JRK: variants seen among roughly 807,000 people sequenced by gnomAD.
JRK encodes the protein Jrk helix-turn-helix protein, also known as jerky protein homolog.
For missense variants in JRK, 720 were observed against 509.2 expected, an observed-to-expected ratio of 1.41 and a Z score of -3.98; for synonymous variants, 303 against 218.1, an observed-to-expected ratio of 1.39 and a Z score of -3.43.
Position 142,659,362 on chromosome 8 carries a change from T to C in JRK, c.*4990A>G. 2.0e-6 allele frequency: 2 copies of C among 991,192 alleles called. No individual in the cohort carries two copies. Among genetic ancestry groups the C allele is most frequent in the Non-Finnish European group, 2.4e-6 (2 of 833,412 alleles). 61.4% of individuals were successfully genotyped at this position (991,192 alleles called of 1,614,324 possible). ...TCCCTGCTCTGGACCTCAGTTCCTT[T>C]GGCTACTAAGGAGGCCCAACGATCC... is the stretch of plus-strand genomic sequence containing the variant. On this transcript the variant is annotated 3_prime_UTR_variant, in exon 2 of 2. Transcript: ENST00000612905.
At position 142,662,342 on chromosome 8, in the gene JRK, T is replaced by C; in HGVS notation, c.*2010A>G. The C allele has an allele frequency of 1.0e-6, 1 of 985,598 alleles. No individual in the cohort carries two copies. Among genetic ancestry groups the C allele is most frequent in the African/African-American group, 1.7e-5 (1 of 57,352 alleles). The allele number at this position is 985,598 out of a possible 1,614,324, so 61.1% of individuals were successfully genotyped here. On this transcript the variant is annotated 3_prime_UTR_variant, in exon 2 of 2. Transcript: ENST00000612905. The stretch of plus-strand genomic sequence containing the variant: ...CCAGCTCCACCCACCCAGGATGTCC[T>C]ACTGTTTCAGAGCCCTCGGGACATG...
chr8:142,666,440 G>C lies in JRK; in HGVS notation c.-382C>G. 1 of 366,086 alleles carries C rather than the reference G, an allele frequency of 2.7e-6. No homozygotes were observed. Among genetic ancestry groups the C allele is most frequent in the Non-Finnish European group, 5.5e-6 (1 of 182,816 alleles). 22.7% of individuals were successfully genotyped at this position (366,086 alleles called of 1,614,324 possible). A position where few individuals can be genotyped will look rare whatever the true frequency, so the allele number is the denominator to read the frequency against. ...CTCCCCTCAAACTGACCAGGTTTGGGGTGGTAGAGGTTTTACCGCATAAGC... is the reference window on the plus strand; with the variant it reads ...CTCCCCTCAAACTGACCAGGTTTGGCGTGGTAGAGGTTTTACCGCATAAGC... On this transcript the variant is annotated 5_prime_UTR_variant, in exon 2 of 2. Coordinates refer to ENST00000612905, the MANE Select transcript of JRK (RefSeq NM_003724.4).
chr8:142,660,889 C>G lies in JRK; in HGVS notation c.*3463G>C, dbSNP rs1312423613. On this transcript the variant is annotated 3_prime_UTR_variant, in exon 2 of 2. Transcript: ENST00000612905. ...ACAAGCACATCCAGCCACTGGGACC[C>G]TGAACCTCCTCCAAATGGACTTTAA... 1 of 985,534 alleles carries G rather than the reference C, an allele frequency of 1.0e-6. No homozygotes were observed. Among genetic ancestry groups the G allele is most frequent in the Non-Finnish European group, 1.2e-6 (1 of 830,112 alleles). The allele number at this position is 985,534 out of a possible 1,614,324, so 61.0% of individuals were successfully genotyped here. A position where few individuals can be genotyped will look rare whatever the true frequency, so the allele number is the denominator to read the frequency against.
At position 142,663,834 on chromosome 8, in the gene JRK, A is replaced by G. The variant is rs891213331; in HGVS notation, c.*518T>C. On this transcript the variant is annotated 3_prime_UTR_variant, in exon 2 of 2. Coordinates refer to ENST00000612905, the MANE Select transcript of JRK (RefSeq NM_003724.4). ...AGAACTGAGTCCCAGCTCTCGGGCC[A>G]TCGGACCTCAGGCAACCGTGCTCGG... 1.0e-6 allele frequency: 1 copy of G among 986,986 alleles called. No homozygotes were observed. Among genetic ancestry groups the G allele is most frequent in the Non-Finnish European group, 1.2e-6 (1 of 831,082 alleles). The allele number at this position is 986,986 out of a possible 1,614,324, so 61.1% of individuals were successfully genotyped here.
rs1305309181 is a variant in JRK at position 142,659,109 on chromosome 8, A to G, written c.*5243T>C. The G allele has an allele frequency of 8.0e-6, 11 of 1,369,958 alleles. No homozygotes were observed. The highest frequency in any genetic ancestry group is 8.5e-6 in the Non-Finnish European group (9 of 1,060,778). 84.9% of individuals were successfully genotyped at this position (1,369,958 alleles called of 1,614,324 possible). On this transcript the variant is annotated 3_prime_UTR_variant, in exon 2 of 2. Transcript: ENST00000612905. ...GCCCATCAAGGTACAATGAAATAGA[A>G]AAAAGGCTGGCCAGGTGCCAAGTCC...
intron 1 of JRK, among the ~76,000 whole-genome samples, chr8:142,669,614 G>A (rs1847259214): frequency 6.6e-6 from 1 of 152,148 alleles, no homozygotes; most frequent in African/African-American, 2.4e-5. Flanking sequence ...AGCGCAGGAA[G>A]GGTCCGGGCT....
At position 142,658,618 on chromosome 8, in the gene JRK, C is replaced by T. The variant is rs1261325458; in HGVS notation, c.*5734G>A. ...GACTCGATCTCATCGGCGAGCCCCA[C>T]CCTCACGATCTCACCTAAGCCTAGT... On this transcript the variant is annotated 3_prime_UTR_variant, in exon 2 of 2. Coordinates refer to ENST00000612905, the MANE Select transcript of JRK (RefSeq NM_003724.4). 1 of 452,060 alleles carries T rather than the reference C, an allele frequency of 2.2e-6. No homozygotes were observed. Among genetic ancestry groups the T allele is most frequent in the Non-Finnish European group, 3.8e-6 (1 of 266,412 alleles). The allele number at this position is 452,060 out of a possible 1,614,324, so 28.0% of individuals were successfully genotyped here.
chr8:142,667,445 A>ACACACAC (rs1399829603), intron 1 of JRK, among the ~76,000 whole-genome samples: 12 of 149,204 alleles, frequency 8.0e-5, no homozygotes, highest in Non-Finnish European at 1.3e-4. Flanking sequence ...ACACACACAC[A>ACACACAC]CACACACACA....
rs926035077 is a variant in JRK at position 142,660,556 on chromosome 8, C to T, written c.*3796G>A. On this transcript the variant is annotated 3_prime_UTR_variant, in exon 2 of 2. Coordinates refer to ENST00000612905, the MANE Select transcript of JRK (RefSeq NM_003724.4). ...CTGGGGTTACAGGCACATGCCACCA[C>T]ACCTGGCTCATTTTCTTTTACTTTC... 2.9e-6 allele frequency: 2 copies of T among 690,698 alleles called. No homozygotes were observed. Among genetic ancestry groups the T allele is most frequent in the African/African-American group, 3.9e-5 (2 of 50,756 alleles). The allele number at this position is 690,698 out of a possible 1,614,324, so 42.8% of individuals were successfully genotyped here.
chr8:142,650,103 C>T, the JRK span, among the ~76,000 whole-genome samples: 18 of 152,282 alleles, frequency 1.2e-4, no homozygotes, highest in Non-Finnish European at 2.6e-4. Flanking sequence ...TAAGATTTGA[C>T]TGCACTGCTG....
chr8:142,645,419 C>T, the JRK span, among the ~76,000 whole-genome samples: 1 of 152,140 alleles, frequency 6.6e-6, no homozygotes, highest in East Asian at 1.9e-4. Flanking sequence ...ATGGCTCATG[C>T]CTGCAATCCT....
At chr8:142,648,204 T>C in the JRK span, among the ~76,000 whole-genome samples, 1 of 152,122 alleles carries the variant, frequency 6.6e-6, no homozygotes, top group African/African-American at 2.4e-5. Context: ...AACCTGACAA[T>C]GTGATAGAAA....
chr8:142,646,880 C>T, the JRK span, among the ~76,000 whole-genome samples: 1 of 152,110 alleles, frequency 6.6e-6, no homozygotes, highest in South Asian at 2.1e-4. Context: ...CTAAGACCTC[C>T]TTTTTTTCCT....
At position 142,666,273 on chromosome 8, in the gene JRK, G is replaced by A; in HGVS notation, c.-215C>T. 1.3e-6 allele frequency: 1 copy of A among 764,082 alleles called. No individual in the cohort carries two copies. Among genetic ancestry groups the A allele is most frequent in the Non-Finnish European group, 2.2e-6 (1 of 464,120 alleles). The allele number at this position is 764,082 out of a possible 1,614,324, so 47.3% of individuals were successfully genotyped here. ...TGCCTCAGGTATCCCTGGTCTTCCA[G>A]GCTCCACACACCTAGGCCTTGGCTC... On this transcript the variant is annotated 5_prime_UTR_variant, in exon 2 of 2. Transcript: ENST00000612905.
At chr8:142,650,418 GCT>G in the JRK span, among the ~76,000 whole-genome samples, 1 of 152,200 alleles carries the variant, frequency 6.6e-6, no homozygotes, top group South Asian at 2.1e-4. Flanking sequence ...ATATGGTTTG[GCT>G]CTGTGTCCTA....
At position 142,666,064 on chromosome 8, in the gene JRK, G is replaced by A. The variant is rs1554636054; in HGVS notation, c.-6C>T. On this transcript the variant is annotated 5_prime_UTR_variant, in exon 2 of 2. Coordinates refer to ENST00000612905, the MANE Select transcript of JRK (RefSeq NM_003724.4). ...GCAGCCGGCTTGGAGGCCATGGGGA[G>A]GGGTGGCTGGTCCTAGCACTTGCAG... is the stretch of plus-strand genomic sequence containing the variant. 6.2e-7 allele frequency: 1 copy of A among 1,605,452 alleles called. No individual in the cohort carries two copies. Among genetic ancestry groups the A allele is most frequent in the South Asian group, 1.1e-5 (1 of 89,600 alleles).
chr8:142,654,057 G>C (rs587647680), downstream of JRK, among the ~76,000 whole-genome samples: 17 of 152,324 alleles, frequency 1.1e-4, no homozygotes, highest in East Asian at 3.1e-3. Flanking sequence ...TGAGAGTGGT[G>C]GGACTGAGAG....
At position 142,657,993 on chromosome 8, in the gene JRK, C is replaced by T. The variant is rs890037958; in HGVS notation, c.*6359G>A. Reference sequence around the variant, plus strand: ...TAGGGTATGGTGGGAATCCTCCAGGCCCTGGCCATGAGGTGCTCCGTATTT... The same window carrying T: ...TAGGGTATGGTGGGAATCCTCCAGGTCCTGGCCATGAGGTGCTCCGTATTT... On this transcript the variant is annotated 3_prime_UTR_variant, in exon 2 of 2. Transcript: ENST00000612905. 5.9e-5 allele frequency: 9 copies of T among 152,314 alleles called. No homozygotes were observed. Among genetic ancestry groups the T allele is most frequent in the African/African-American group, 2.2e-4 (9 of 41,470 alleles). The allele number at this position is 152,314 out of a possible 1,614,324, so 9.4% of individuals were successfully genotyped here. A position where few individuals can be genotyped will look rare whatever the true frequency, so the allele number is the denominator to read the frequency against.
Position 142,659,538 on chromosome 8 carries a change from G to A in JRK, c.*4814C>T, listed in dbSNP as rs1295868307. 1.4e-5 allele frequency: 14 copies of A among 985,624 alleles called. No individual in the cohort carries two copies. The highest frequency in any genetic ancestry group is 1.7e-5 in the Non-Finnish European group (14 of 830,168). The allele number at this position is 985,624 out of a possible 1,614,324, so 61.1% of individuals were successfully genotyped here. ...ATGGCCAGTGGGCCTCCCACAATCT[G>A]CCCCTGGGTGCAGGGCCTTGAGCAG... On this transcript the variant is annotated 3_prime_UTR_variant, in exon 2 of 2. Transcript: ENST00000612905.
Sources: allele counts gnomAD v4.1 joint callset (sites outside exome capture counted in the v4.1 genomes callset), GRCh38; gene constraint gnomAD v4.1.1; transcripts MANE v1.5; gene names NCBI Gene and HGNC (gene_info 2026-07-23, HGNC 2026-07-21).